PDLIM5: variants seen among roughly 807,000 people sequenced by gnomAD.
PDLIM5 encodes PDZ and LIM domain 5.
A neutral mutation model predicts 64.2 loss-of-function variants in PDLIM5; 34 were observed. That is an observed-to-expected ratio of 0.53 (90% CI 0.40 to 0.71). The LOEUF (loss-of-function observed/expected upper bound fraction) is 0.71, where lower values mean the gene tolerates loss of function less well. Among genes scored for constraint, PDLIM5 ranks in the 30% least tolerant of loss-of-function variants. The pLI, the probability that PDLIM5 is intolerant of heterozygous loss-of-function variation, is 0.00. For missense variants in PDLIM5, 683 were observed against 733.6 expected (o/e 0.93, Z 0.80); for synonymous variants, 253 against 269.1 (o/e 0.94, Z 0.59).
At chr4:94,560,579 A>G (rs1560703185) in intron 3 of PDLIM5, among the ~76,000 whole-genome samples, 1 of 152,170 alleles carries the variant, frequency 6.6e-6, no homozygotes, top group Non-Finnish European at 1.5e-5. Context: ...GGAAACTGAG[A>G]GGTTAAGTAA....
At chr4:94,564,067 G>A (rs1454533551) in intron 3 of PDLIM5, among the ~76,000 whole-genome samples, 3 of 149,754 alleles carry the variant, frequency 2.0e-5, no homozygotes, top group Non-Finnish European at 3.0e-5. Flanking sequence ...AGGTTCAAGC[G>A]ATTCTCCTGC....
chr4:94,464,583 C>T lies in PDLIM5; in HGVS notation c.96+9199C>T, dbSNP rs188185001. 8.5e-5 allele frequency among the ~76,000 whole-genome samples: 13 copies of T among 152,272 alleles called. No individual in the cohort carries two copies. The East Asian group carries it at 2.5e-3, about 29-fold the overall frequency. On this transcript the variant is annotated intron_variant, in intron 2 of 12. Coordinates refer to ENST00000317968, the MANE Select transcript of PDLIM5 (RefSeq NM_006457.5). ...GTCCTTTAGAAAACAAATGTTTTGT[C>T]CCTTAACTAGGACCCCTTAGAAATG...
intron 7 of PDLIM5, among the ~76,000 whole-genome samples, chr4:94,597,968 G>T (rs567933163): frequency 1.3e-5 from 2 of 152,138 alleles, no homozygotes; most frequent in Non-Finnish European, 2.9e-5. Context: ...GATAGATTGG[G>T]AGAGATGTTA....
At position 94,514,576 on chromosome 4, in the gene PDLIM5, CCTT is replaced by C. The variant is rs1377723366; in HGVS notation, c.97-9144_97-9142del. Among the ~76,000 whole-genome samples the C allele has an allele frequency of 6.6e-5, 10 of 152,050 alleles. No individual in the cohort carries two copies. The East Asian group carries it at 1.2e-3, about 18-fold the overall frequency. On this transcript the variant is annotated intron_variant, in intron 2 of 12. Coordinates refer to ENST00000317968, the MANE Select transcript of PDLIM5 (RefSeq NM_006457.5). ...TCATATAATGAATTTGAAAATATTCCCTTCTTTTTTACTTTTCAGAACAGTTTA... is the reference window on the plus strand; with the variant it reads ...TCATATAATGAATTTGAAAATATTCCCTTTTTTACTTTTCAGAACAGTTTA...
In PDLIM5 at chr4:94,615,021, A is replaced by G. The variant is rs182363800; in HGVS notation, c.921-2983A>G. On this transcript the variant is annotated intron_variant, in intron 7 of 12. Transcript: ENST00000317968. ...ACCAGATATTACAGGATGTAGAAGTAAGAATCCTTTTTATTTCCTGAGCAT... is the reference window on the plus strand; with the variant it reads ...ACCAGATATTACAGGATGTAGAAGTGAGAATCCTTTTTATTTCCTGAGCAT... Among the ~76,000 whole-genome samples, 51 of 152,336 alleles carry G rather than the reference A, an allele frequency of 3.3e-4. 1 individual carries two copies. In the East Asian group the frequency reaches 9.8e-3, roughly 29 times the overall value.
At chr4:94,630,576 T>C (rs956463273) in intron 8 of PDLIM5, among the ~76,000 whole-genome samples, 1 of 151,994 alleles carries the variant, frequency 6.6e-6, no homozygotes, top group Non-Finnish European at 1.5e-5. Flanking sequence ...AGTTTTGCCA[T>C]GTTGTACAGG....
At chr4:94,540,754 T>C (rs946043054) in intron 3 of PDLIM5, among the ~76,000 whole-genome samples, 9 of 152,354 alleles carry the variant, frequency 5.9e-5, no homozygotes, top group African/African-American at 2.2e-4. Flanking sequence ...ATTTAAAACC[T>C]GTTCTGCTCC....
In PDLIM5 at chr4:94,526,063, T is replaced by C. The variant is rs188386323; in HGVS notation, c.248+2188T>C. Reference sequence around the variant, plus strand: ...AAGAAAGCAAAACAAATAGAGATGATGACAGGCTGTTTTACACATTCTAAA... The same window carrying C: ...AAGAAAGCAAAACAAATAGAGATGACGACAGGCTGTTTTACACATTCTAAA... On this transcript the variant is annotated intron_variant, in intron 3 of 12. Coordinates refer to ENST00000317968, the MANE Select transcript of PDLIM5 (RefSeq NM_006457.5). Among the ~76,000 whole-genome samples, 6 of 152,334 alleles carry C rather than the reference T, an allele frequency of 3.9e-5. No homozygotes were observed. The East Asian group carries it at 1.2e-3, about 29-fold the overall frequency.
chr4:94,555,142 C>T (rs1427239558), intron 3 of PDLIM5, among the ~76,000 whole-genome samples: 1 of 152,170 alleles, frequency 6.6e-6, no homozygotes. Flanking sequence ...CAACCTCCGC[C>T]TCCCGGGTTC....
At chr4:94,509,827 G>T (rs1728708110) in intron 2 of PDLIM5, among the ~76,000 whole-genome samples, 1 of 152,186 alleles carries the variant, frequency 6.6e-6, no homozygotes, top group South Asian at 2.1e-4. Context: ...TTCTAGCCAT[G>T]TTGGCAGCTG....
chr4:94,544,186 T>C (rs773923791), intron 3 of PDLIM5, among the ~76,000 whole-genome samples: 4 of 152,170 alleles, frequency 2.6e-5, no homozygotes, highest in Non-Finnish European at 4.4e-5. Flanking sequence ...TCTCCTCTTT[T>C]GTTTCTTATA....
chr4:94,534,303 T>C (rs1731134048), intron 3 of PDLIM5, among the ~76,000 whole-genome samples: 1 of 152,246 alleles, frequency 6.6e-6, no homozygotes, highest in Admixed American at 6.5e-5. Flanking sequence ...TACTAACTTT[T>C]GGAACATGTT....
chr4:94,545,715 C>T (rs181817166), intron 3 of PDLIM5, among the ~76,000 whole-genome samples: 100 of 152,232 alleles, frequency 6.6e-4, no homozygotes, highest in African/African-American at 2.4e-3. Flanking sequence ...GTTGAGATGG[C>T]TGGGTGCTGA....
Position 94,585,566 on chromosome 4 carries a change from C to G in PDLIM5, c.712C>G (p.Pro238Ala). The G allele has an allele frequency of 6.3e-7, 1 of 1,578,438 alleles. No homozygotes were observed. The highest frequency in any genetic ancestry group is 8.6e-7 in the Non-Finnish European group (1 of 1,158,362). The change falls in exon 6 of 13, where the codon CCA (proline) becomes GCA (alanine). Residue 238 changes from proline (P) to alanine (A), a missense_variant and splice_region_variant. Transcript: ENST00000317968. The stretch of plus-strand genomic sequence containing the variant: ...TTTTTTTTTTCTCCTTAACCCTAGC[C>G]CACCAAGAAAACACATTGTGGAGCG... The part of the protein sequence containing the change: ...SQGDSKQQNG[P>A]PRKHIVERYT...
chr4:94,604,676 A>G (rs1737770915), intron 7 of PDLIM5, among the ~76,000 whole-genome samples: 1 of 151,976 alleles, frequency 6.6e-6, no homozygotes, highest in South Asian at 2.1e-4. Flanking sequence ...AAACAGTAGA[A>G]TGGTGCTGGT....
rs1211637655 is a variant in PDLIM5, at chr4:94,489,666, C to T, written c.97-34058C>T. 2.0e-5 allele frequency among the ~76,000 whole-genome samples: 3 copies of T among 151,986 alleles called. No individual in the cohort carries two copies. The East Asian group carries it at 5.8e-4, about 29-fold the overall frequency. ...CAAGGCCTGGCACAGTGGCTCACAC[C>T]TATAATCCCAGCATTTTGGAAGGCC... On this transcript the variant is annotated intron_variant, in intron 2 of 12. Transcript: ENST00000317968.
intron 2 of PDLIM5, among the ~76,000 whole-genome samples, chr4:94,485,841 C>T (rs1467046257): frequency 2.2e-5 from 3 of 133,896 alleles, no homozygotes; most frequent in Non-Finnish European, 3.2e-5. Flanking sequence ...CAGAGTGAGA[C>T]TCCGTCTCAA....
At chr4:94,615,381 A>G (rs1738694753) in intron 7 of PDLIM5, among the ~76,000 whole-genome samples, 1 of 152,232 alleles carries the variant, frequency 6.6e-6, no homozygotes. Flanking sequence ...TTCAATAATT[A>G]AACAAAATAA....
At chr4:94,493,179 G>A (rs1192096438) in intron 2 of PDLIM5, among the ~76,000 whole-genome samples, 2 of 152,070 alleles carry the variant, frequency 1.3e-5, no homozygotes, top group Non-Finnish European at 2.9e-5. Context: ...TTGCTATTCG[G>A]ATCTTTTGCC....
Sources: gnomAD v4.1 joint callset for allele counts (sites outside exome capture counted in the v4.1 genomes callset) on GRCh38, gnomAD v4.1.1 for gene constraint, MANE v1.5 for transcripts, NCBI Gene and HGNC (gene_info 2026-07-23, HGNC 2026-07-21) for gene names.